Variants in C4orf51 observed in about 807,000 individuals in gnomAD.
C4orf51 encodes the protein chromosome 4 open reading frame 51.
C4orf51 carries 25 observed loss-of-function variants against 25.2 expected under a neutral mutation model. That is an observed-to-expected ratio of 0.99 (90% CI 0.72 to 1.39). The LOEUF (loss-of-function observed/expected upper bound fraction) is 1.39. Among genes scored for constraint, C4orf51 ranks in the 40% most tolerant of loss-of-function variants. The pLI is 0.00. For missense variants in C4orf51, 252 were observed against 239.6 expected, an observed-to-expected ratio of 1.05 and a Z score of -0.34; for synonymous variants, 100 against 84.5, an observed-to-expected ratio of 1.18 and a Z score of -1.01.
chr4:145,732,981 G>A (rs565532948), downstream of C4orf51, among the ~76,000 whole-genome samples: 50 of 152,304 alleles, frequency 3.3e-4, no homozygotes, highest in African/African-American at 1.1e-3. Context: ...TCCACCGCCA[G>A]GTTTTCCTCC....
intron 1 of C4orf51, among the ~76,000 whole-genome samples, chr4:145,740,556 C>T (rs1733046879): frequency 6.6e-6 from 1 of 152,158 alleles, no homozygotes; most frequent in Admixed American, 6.5e-5. Context: ...AATAACCACC[C>T]CTTGTTTTGA....
chr4:145,695,123 G>C (rs145078699), intron 1 of C4orf51, among the ~76,000 whole-genome samples: 9 of 152,324 alleles, frequency 5.9e-5, no homozygotes, highest in Admixed American at 4.6e-4. Flanking sequence ...TCACTGGGCA[G>C]AACGGTAGTT....
At chr4:145,695,300 C>G (rs1242788459) in intron 1 of C4orf51, among the ~76,000 whole-genome samples, 2 of 152,140 alleles carry the variant, frequency 1.3e-5, no homozygotes, top group African/African-American at 4.8e-5. Flanking sequence ...GAGATGGTAT[C>G]CCATTGTAGT....
intron 1 of C4orf51, among the ~76,000 whole-genome samples, chr4:145,684,921 G>T (rs1298069541): frequency 6.6e-6 from 1 of 152,120 alleles, no homozygotes; most frequent in African/African-American, 2.4e-5. Context: ...TCTCAAATTT[G>T]TCTGCATCTA....
chr4:145,705,741 G>A (rs536516684), intron 2 of C4orf51, among the ~76,000 whole-genome samples: 22 of 152,258 alleles, frequency 1.4e-4, no homozygotes, highest in African/African-American at 5.3e-4. Context: ...AATATTGAGA[G>A]GACAGTATCC....
At chr4:145,711,762 A>G (rs991144267) in intron 2 of C4orf51, among the ~76,000 whole-genome samples, 2 of 152,056 alleles carry the variant, frequency 1.3e-5, no homozygotes, top group African/African-American at 4.8e-5. Flanking sequence ...AATTTTTTTT[A>G]ATAAATTTTA....
At chr4:145,713,664 C>T (rs1731250815) in intron 2 of C4orf51, among the ~76,000 whole-genome samples, 1 of 152,178 alleles carries the variant, frequency 6.6e-6, no homozygotes, top group South Asian at 2.1e-4. Context: ...TTAATGACAA[C>T]AAAGCATTTA....
intron 1 of C4orf51, among the ~76,000 whole-genome samples, chr4:145,683,015 T>TA (rs965471388): frequency 6.6e-6 from 1 of 151,624 alleles, no homozygotes; most frequent in South Asian, 2.1e-4. Context: ...AAAAAAATTT[T>TA]AAAAAAAAAT....
intron 4 of C4orf51, among the ~76,000 whole-genome samples, chr4:145,729,556 C>A (rs1732340974): frequency 6.6e-6 from 1 of 152,160 alleles, no homozygotes; most frequent in Non-Finnish European, 1.5e-5. Flanking sequence ...CCTCCTTGGC[C>A]TCCCAAAGTG....
chr4:145,699,596 G>A (rs558231010), intron 2 of C4orf51, among the ~76,000 whole-genome samples: 24 of 152,242 alleles, frequency 1.6e-4, no homozygotes, highest in East Asian at 9.6e-4. Flanking sequence ...CTCTGGCGCC[G>A]GTCACGGACT....
exon 2 of C4orf51, chr4:145,771,003 C>G (rs184547521): frequency 6.6e-6 from 1 of 152,122 alleles, no homozygotes; most frequent in East Asian, 1.9e-4. Flanking sequence ...ATATAAGCCT[C>G]GAGTTTTAGC....
At position 145,729,053 on chromosome 4, in the gene C4orf51, T is replaced by C; in HGVS notation, c.367-116T>C. 9.6e-6 allele frequency: 7 copies of C among 725,788 alleles called. No individual in the cohort carries two copies. The South Asian group carries it at 1.2e-4, about 12-fold the overall frequency. 45.0% of individuals were successfully genotyped at this position (725,788 alleles called of 1,614,324 possible). ...TCACAGTGGTGGCTTTTGACAGCAG[T>C]ATCAGTGCTTTCTGAATGCAGGGGT... On this transcript the variant is annotated intron_variant, in intron 3 of 5. Coordinates refer to ENST00000438731, the MANE Select transcript of C4orf51 (RefSeq NM_001080531.3).
chr4:145,751,377 G>A (rs1303904516), intron 1 of C4orf51, among the ~76,000 whole-genome samples: 1 of 152,178 alleles, frequency 6.6e-6, no homozygotes, highest in African/African-American at 2.4e-5. Context: ...TAATGCTATG[G>A]TTCTTGCAGG....
intron 2 of C4orf51, among the ~76,000 whole-genome samples, chr4:145,711,122 A>G (rs572635026): frequency 1.3e-5 from 2 of 152,274 alleles, no homozygotes; most frequent in South Asian, 4.1e-4. Context: ...ATCATTTATT[A>G]TAACCTACAT....
At chr4:145,758,354 A>T (rs1734115530), downstream of C4orf51, 1 of 151,916 alleles carries the variant, frequency 6.6e-6, no homozygotes, top group South Asian at 2.1e-4. Context: ...TCAACCCTAG[A>T]CCTCCTATTG....
At chr4:145,730,751 C>T (rs1352753867) in intron 5 of C4orf51, among the ~76,000 whole-genome samples, 3 of 151,838 alleles carry the variant, frequency 2.0e-5, no homozygotes, top group African/African-American at 4.8e-5. Flanking sequence ...ACAAGTACTA[C>T]CTAACAGTAT....
chr4:145,768,641 A>G lies in C4orf51; in HGVS notation n.167-2347A>G, dbSNP rs921260302. Among the ~76,000 whole-genome samples, 3 of 151,284 alleles carry G rather than the reference A, an allele frequency of 2.0e-5. No individual in the cohort carries two copies. In the East Asian group the frequency reaches 5.8e-4, roughly 29 times the overall value. On this transcript the variant is annotated intron_variant and non_coding_transcript_variant, in intron 1 of 1. Transcript: ENST00000510096. ...GGAGACTGTTCTCCAATTATCTTCA[A>G]ATCAGTTCATTAAGCAATCTAGTGA...
intron 2 of C4orf51, among the ~76,000 whole-genome samples, chr4:145,705,832 G>A (rs1248124994): frequency 1.3e-5 from 2 of 152,150 alleles, no homozygotes; most frequent in Admixed American, 6.5e-5. Flanking sequence ...AGAATGCCAA[G>A]CCAAAATAAG....
intron 3 of C4orf51, among the ~76,000 whole-genome samples, chr4:145,727,245 T>G (rs978524690): frequency 4.6e-5 from 7 of 152,110 alleles, no homozygotes; most frequent in African/African-American, 1.7e-4. Context: ...AAATTATATA[T>G]AATATACTGG....
Sources: gnomAD v4.1 joint callset for allele counts (sites outside exome capture counted in the v4.1 genomes callset) on GRCh38, gnomAD v4.1.1 for gene constraint, MANE v1.5 for transcripts, NCBI Gene and HGNC (gene_info 2026-07-23, HGNC 2026-07-21) for gene names.